Variants in FZD3 observed in about 807,000 individuals in gnomAD.
FZD3 encodes frizzled class receptor 3.
A neutral mutation model predicts 60.7 loss-of-function variants in FZD3; 30 were observed. The observed-to-expected ratio is 0.49, with a 90% CI of 0.37 to 0.67. FZD3 has a LOEUF of 0.67. Ranked by LOEUF, FZD3 falls within the 30% of genes least tolerant of loss-of-function variation. The probability of loss-of-function intolerance (pLI) is 0.00; values close to 1 mark genes in which losing one functional copy is unlikely to be tolerated. For missense variants in FZD3, 605 were observed against 838.7 expected, an observed-to-expected ratio of 0.72 and a Z score of 3.44; for synonymous variants, 246 against 275.2, an observed-to-expected ratio of 0.89 and a Z score of 1.05.
Position 28,563,892 on chromosome 8 carries a change from C to A in FZD3, c.*881C>A, listed in dbSNP as rs1805660021. The A allele has an allele frequency of 6.6e-6, 1 of 152,624 alleles. No homozygotes were observed. Among genetic ancestry groups the A allele is most frequent in the African/African-American group, 2.4e-5 (1 of 41,452 alleles). 9.5% of individuals were successfully genotyped at this position (152,624 alleles called of 1,614,324 possible). A position where few individuals can be genotyped will look rare whatever the true frequency, so the allele number is the denominator to read the frequency against. On this transcript the variant is annotated 3_prime_UTR_variant, in exon 8 of 8. Coordinates refer to ENST00000240093, the MANE Select transcript of FZD3 (RefSeq NM_017412.4). ...ATACATTATAAGGTAACCACAATTACAAAATGGCAAAACATTTTCTCTGTA... is the reference window on the plus strand; with the variant it reads ...ATACATTATAAGGTAACCACAATTAAAAAATGGCAAAACATTTTCTCTGTA...
rs766477752 is a variant in FZD3 at position 28,563,315 on chromosome 8, A to G, written c.*304A>G. Reference sequence around the variant, plus strand: ...CATTTTATATTTAGAAAAATCCTAAATGTGTGGTGACTGCTTTGTAGTGAA... The same window carrying G: ...CATTTTATATTTAGAAAAATCCTAAGTGTGTGGTGACTGCTTTGTAGTGAA... On this transcript the variant is annotated 3_prime_UTR_variant, in exon 8 of 8. Transcript: ENST00000240093. 6.2e-5 allele frequency: 21 copies of G among 339,086 alleles called. No homozygotes were observed. Among genetic ancestry groups the G allele is most frequent in the Non-Finnish European group, 8.5e-5 (15 of 176,830 alleles). 21.0% of individuals were successfully genotyped at this position (339,086 alleles called of 1,614,324 possible). A position where few individuals can be genotyped will look rare whatever the true frequency, so the allele number is the denominator to read the frequency against.
At chr8:28,547,388 CAT>C (rs1235190026) in intron 5 of FZD3, among the ~76,000 whole-genome samples, 2 of 152,198 alleles carry the variant, frequency 1.3e-5, no homozygotes, top group Non-Finnish European at 2.9e-5. Context: ...CATCATTTCA[CAT>C]ATAAATATAT....
At chr8:28,553,882 T>C (rs1805457275) in intron 6 of FZD3, among the ~76,000 whole-genome samples, 1 of 152,146 alleles carries the variant, frequency 6.6e-6, no homozygotes, top group Non-Finnish European at 1.5e-5. Context: ...CTAAGCACTT[T>C]ACACATTAAA....
chr8:28,508,787 A>C (rs1585949857), intron 3 of FZD3, among the ~76,000 whole-genome samples: 1 of 152,146 alleles, frequency 6.6e-6, no homozygotes, highest in Non-Finnish European at 1.5e-5. Context: ...GGCCTACCAA[A>C]GTGCTGGAAT....
intron 4 of FZD3, among the ~76,000 whole-genome samples, chr8:28,523,613 A>C (rs549837354): frequency 6.6e-6 from 1 of 151,834 alleles, no homozygotes; most frequent in African/African-American, 2.4e-5. Flanking sequence ...AAAAAAAAAA[A>C]ATTTGTAGAG....
chr8:28,543,612 C>T (rs996737586), intron 5 of FZD3, among the ~76,000 whole-genome samples: 5 of 152,000 alleles, frequency 3.3e-5, no homozygotes, highest in African/African-American at 1.2e-4. Context: ...AACTCCTGAC[C>T]TCAAGTGATG....
intron 5 of FZD3, among the ~76,000 whole-genome samples, chr8:28,528,824 A>T (rs1312895812): frequency 6.6e-6 from 1 of 152,224 alleles, no homozygotes; most frequent in Non-Finnish European, 1.5e-5. Context: ...AGTCTTAGAT[A>T]AATGTAGTCA....
At chr8:28,511,754 T>G (rs1047243815) in intron 3 of FZD3, among the ~76,000 whole-genome samples, 2 of 152,170 alleles carry the variant, frequency 1.3e-5, no homozygotes, top group Non-Finnish European at 2.9e-5. Context: ...ACCAGTGTGT[T>G]TTATATGTAC....
At chr8:28,547,365 A>G (rs1805319469) in intron 5 of FZD3, among the ~76,000 whole-genome samples, 1 of 152,234 alleles carries the variant, frequency 6.6e-6, no homozygotes, top group African/African-American at 2.4e-5. Context: ...TATGTGTACA[A>G]TACTTGAACA....
Position 28,527,271 on chromosome 8 carries a change from A to C in FZD3, c.511A>C (p.Ile171Leu). The change falls in exon 5 of 8, where the codon ATT (isoleucine) becomes CTT (leucine). Residue 171 changes from isoleucine to leucine, a missense_variant. Coordinates refer to ENST00000240093, the MANE Select transcript of FZD3 (RefSeq NM_017412.4). The surrounding 1 kb of genome is among the most constrained non-coding windows in gnomAD (Gnocchi z 5.0). ...TTTTTGGTGTCCCCGAGAGTTAAAAATTGATCCTGATCTGGGTTATTCTTT... is the reference window on the plus strand; with the variant it reads ...TTTTTGGTGTCCCCGAGAGTTAAAACTTGATCCTGATCTGGGTTATTCTTT... ...YGFWCPRELK[I>L]DPDLGYSFLH... The C allele has an allele frequency of 5.0e-6, 8 of 1,614,068 alleles. No homozygotes were observed. Among genetic ancestry groups the C allele is most frequent in the Non-Finnish European group, 6.8e-6 (8 of 1,179,938 alleles).
chr8:28,542,577 G>C (rs193219798), intron 5 of FZD3, among the ~76,000 whole-genome samples: 1 of 152,288 alleles, frequency 6.6e-6, no homozygotes, highest in Non-Finnish European at 1.5e-5. Flanking sequence ...GGCAGAGGTT[G>C]CAGTGAGCCA....
intron 7 of FZD3, among the ~76,000 whole-genome samples, chr8:28,556,182 G>A (rs1045978297): frequency 1.3e-5 from 2 of 152,146 alleles, no homozygotes; most frequent in Non-Finnish European, 2.9e-5. Flanking sequence ...TTATTGCAGG[G>A]GATTGAGCAG....
At chr8:28,511,621 C>T (rs996097025) in intron 3 of FZD3, among the ~76,000 whole-genome samples, 5 of 152,234 alleles carry the variant, frequency 3.3e-5, no homozygotes, top group Non-Finnish European at 5.9e-5. Flanking sequence ...AATGCCATCT[C>T]TGCCTGGAAG....
chr8:28,530,235 C>T (rs1563394419), intron 5 of FZD3, among the ~76,000 whole-genome samples: 1 of 151,722 alleles, frequency 6.6e-6, no homozygotes. Flanking sequence ...AAACTGTAAG[C>T]TGGAGTAGGA....
In FZD3 at chr8:28,566,440, TTCAAA is replaced by T. The variant is rs1200455829; in HGVS notation, c.*3434_*3438del. The T allele has an allele frequency of 6.6e-6, 1 of 152,182 alleles. No individual in the cohort carries two copies. The highest frequency in any genetic ancestry group is 6.5e-5 in the Admixed American group (1 of 15,278). The allele number at this position is 152,182 out of a possible 1,614,324, so 9.4% of individuals were successfully genotyped here. A position where few individuals can be genotyped will look rare whatever the true frequency, so the allele number is the denominator to read the frequency against. On this transcript the variant is annotated 3_prime_UTR_variant, in exon 8 of 8. Transcript: ENST00000240093. ...TGTGGACCAGCTGAGTAAATGAATC[TTCAAA>T]TCAACCTTTCTTTTTCTGCTGCTCT... is the stretch of plus-strand genomic sequence containing the variant.
intron 2 of FZD3, among the ~76,000 whole-genome samples, chr8:28,501,015 C>G (rs1472928522): frequency 6.6e-6 from 1 of 152,178 alleles, no homozygotes; most frequent in African/African-American, 2.4e-5. Flanking sequence ...CTGCCTCGGC[C>G]TCCCAAAGTG....
At chr8:28,524,950 C>T (rs1804678804) in intron 4 of FZD3, among the ~76,000 whole-genome samples, 1 of 152,182 alleles carries the variant, frequency 6.6e-6, no homozygotes, top group Non-Finnish European at 1.5e-5. Flanking sequence ...TTGATCTTAA[C>T]TCCCACATTC....
At chr8:28,530,048 T>C (rs544179506) in intron 5 of FZD3, among the ~76,000 whole-genome samples, 9 of 151,952 alleles carry the variant, frequency 5.9e-5, no homozygotes, top group Non-Finnish European at 1.0e-4. Context: ...TAGAATTCTT[T>C]TAGCATCTTT....
In FZD3 at chr8:28,572,078, A is replaced by G. The variant is rs1805816131; in HGVS notation, c.*9067A>G. ...CTTTTTTGTTTTATCTTGTTTTCTT[A>G]ACTTTTTACAGTGTTGTTAGATTAT... On this transcript the variant is annotated 3_prime_UTR_variant, in exon 8 of 8. Coordinates refer to ENST00000240093, the MANE Select transcript of FZD3 (RefSeq NM_017412.4). 1.3e-5 allele frequency: 2 copies of G among 151,858 alleles called. No individual in the cohort carries two copies. The highest frequency in any genetic ancestry group is 2.1e-4 in the South Asian group (1 of 4,806). 9.4% of individuals were successfully genotyped at this position (151,858 alleles called of 1,614,324 possible). A position where few individuals can be genotyped will look rare whatever the true frequency, so the allele number is the denominator to read the frequency against.
Sources: gnomAD v4.1 joint callset for allele counts (sites outside exome capture counted in the v4.1 genomes callset) on GRCh38, gnomAD v4.1.1 for gene constraint, Gnocchi (gnomAD v3.1) non-coding constraint, MANE v1.5 for transcripts, NCBI Gene and HGNC (gene_info 2026-07-23, HGNC 2026-07-21) for gene names.